Variants in ROR2 observed in about 807,000 individuals in gnomAD.
ROR2 encodes ROR family WNT receptor 2.
In ROR2, 33 loss-of-function variants were observed where a neutral mutation model predicts 74.9. That is an observed-to-expected ratio of 0.44 (90% CI 0.33 to 0.59). The LOEUF (loss-of-function observed/expected upper bound fraction) is 0.59. Among genes scored for constraint, ROR2 ranks in the 20% least tolerant of loss-of-function variants. The pLI, the probability that ROR2 is intolerant of heterozygous loss-of-function variation, is 0.02. For missense variants in ROR2, 1,216 were observed against 1,313.8 expected (o/e 0.93, Z 1.15); for synonymous variants, 586 against 558.7 (o/e 1.05, Z -0.69).
In ROR2 at chr9:91,726,515, G is replaced by A. The variant is rs200507603; in HGVS notation, c.1386+26C>T. On this transcript the variant is annotated intron_variant, in intron 8 of 8. Transcript: ENST00000375708. The stretch of plus-strand genomic sequence containing the variant: ...AGGATTAAACCTGGAAGAGCCACCC[G>A]GGTAGAAAATGTAAGGCATGGAGAC... 1,504 of 1,605,598 alleles carry A rather than the reference G, an allele frequency of 9.4e-4. 1 individual carries two copies. Among genetic ancestry groups the A allele is most frequent in the Non-Finnish European group, 1.2e-3 (1,372 of 1,175,526 alleles).
intron 3 of ROR2, among the ~76,000 whole-genome samples, chr9:91,756,950 TAA>T: frequency 1.3e-5 from 2 of 152,078 alleles, no homozygotes; most frequent in Admixed American, 6.5e-5. Flanking sequence ...GAGTTTCTAC[TAA>T]ACTGGCCAAC....
chr9:91,754,737 C>CT (rs1205184439), intron 4 of ROR2, among the ~76,000 whole-genome samples: 4 of 152,068 alleles, frequency 2.6e-5, no homozygotes, highest in Middle Eastern at 3.2e-3. Context: ...ACTTATATGC[C>CT]TTTTTCCAAA....
intron 1 of ROR2, among the ~76,000 whole-genome samples, chr9:91,924,852 T>C (rs2117891982): frequency 6.6e-6 from 1 of 152,238 alleles, no homozygotes; most frequent in African/African-American, 2.4e-5. Flanking sequence ...GTTTTGTTTG[T>C]GTGTTTGTTT....
intron 1 of ROR2, among the ~76,000 whole-genome samples, chr9:91,871,356 G>A (rs1357829639): frequency 3.3e-5 from 5 of 152,176 alleles, no homozygotes; most frequent in African/African-American, 9.7e-5. Context: ...GGATTGGCAT[G>A]ATATATCACA....
intron 2 of ROR2, among the ~76,000 whole-genome samples, chr9:91,765,712 G>A (rs758508535): frequency 3.9e-5 from 6 of 152,146 alleles, no homozygotes; most frequent in South Asian, 4.1e-4. Flanking sequence ...ACTGCAGCTC[G>A]CAGGTCTCCT....
At chr9:91,828,281 G>A (rs1828353869) in intron 1 of ROR2, among the ~76,000 whole-genome samples, 1 of 152,150 alleles carries the variant, frequency 6.6e-6, no homozygotes, top group Non-Finnish European at 1.5e-5. Flanking sequence ...TTTTGCTTTT[G>A]CAATGGAATG....
intron 1 of ROR2, among the ~76,000 whole-genome samples, chr9:91,826,872 G>T (rs1828309991): frequency 1.3e-5 from 2 of 152,160 alleles, no homozygotes; most frequent in African/African-American, 4.8e-5. Context: ...TTGAGAAGGG[G>T]AGACTCTGAA....
At chr9:91,936,805 C>T (rs1055223897) in intron 1 of ROR2, among the ~76,000 whole-genome samples, 2 of 151,572 alleles carry the variant, frequency 1.3e-5, no homozygotes, top group African/African-American at 2.4e-5. Context: ...CCGAGGCGGG[C>T]GGATCACGAG....
At chr9:91,798,240 G>A (rs1220725616) in intron 1 of ROR2, among the ~76,000 whole-genome samples, 1 of 120,042 alleles carries the variant, frequency 8.3e-6, no homozygotes, top group African/African-American at 3.3e-5. Flanking sequence ...GGGTGGGGCT[G>A]ACACCCTGCA....
At chr9:91,869,964 G>A (rs1006629987) in intron 1 of ROR2, among the ~76,000 whole-genome samples, 10 of 152,118 alleles carry the variant, frequency 6.6e-5, no homozygotes, top group Non-Finnish European at 1.0e-4. Context: ...CCTACAATCC[G>A]TGGGCCAAAG....
At chr9:91,904,752 C>G (rs930091039) in intron 1 of ROR2, among the ~76,000 whole-genome samples, 1 of 152,148 alleles carries the variant, frequency 6.6e-6, no homozygotes, top group Non-Finnish European at 1.5e-5. Context: ...GAGGCCTCCT[C>G]GACTCTGCCA....
In ROR2 at chr9:91,724,218, G is replaced by A. The variant is rs1180917030; in HGVS notation, c.2276C>T (p.Ala759Val). The change falls in exon 9 of 9, where the codon GCG (alanine) becomes GTG (valine). Residue 759 changes from alanine to valine, a missense_variant. Coordinates refer to ENST00000375708, the MANE Select transcript of ROR2 (RefSeq NM_004560.4). ...GGTGTTGCTGGCCCCCGAGGTCTGC[G>A]CCGAGCTGTTGTAGTTGGAAAGGTT... is the stretch of plus-strand genomic sequence containing the variant. ...WGNLSNYNSS[A>V]QTSGASNTTQ... is the part of the protein sequence containing the mutation. 3.1e-6 allele frequency: 5 copies of A among 1,613,354 alleles called. No individual in the cohort carries two copies. Among genetic ancestry groups the A allele is most frequent in the East Asian group, 2.2e-5 (1 of 44,870 alleles).
Position 91,837,965 on chromosome 9 carries a change from AT to A in ROR2, c.98-62148del, listed in dbSNP as rs144090084. Among the ~76,000 whole-genome samples the A allele has an allele frequency of 4.1e-3, 624 of 152,334 alleles. 4 individuals are homozygous for A. Among genetic ancestry groups the A allele is most frequent in the African/African-American group, 0.014 (599 of 41,578 alleles). ...TTTCATTGTCGAACTGCCACTTTAA[AT>A]ATGTATTTTAGGAAAAACAGAAATT... On this transcript the variant is annotated intron_variant, in intron 1 of 8. Coordinates refer to ENST00000375708, the MANE Select transcript of ROR2 (RefSeq NM_004560.4).
At chr9:91,776,899 C>A (rs1826439003) in intron 1 of ROR2, among the ~76,000 whole-genome samples, 1 of 152,038 alleles carries the variant, frequency 6.6e-6, no homozygotes, top group Admixed American at 6.5e-5. Flanking sequence ...ATACATACCC[C>A]AAAGAAAAAT....
intron 2 of ROR2, among the ~76,000 whole-genome samples, chr9:91,774,672 T>G (rs150699587): frequency 6.6e-6 from 1 of 152,212 alleles, no homozygotes; most frequent in Non-Finnish European, 1.5e-5. Context: ...ATCTCCCCAA[T>G]GGACTAAAAT....
Position 91,757,419 on chromosome 9 carries a change from G to T in ROR2, c.316C>A (p.Pro106Thr), listed in dbSNP as rs1384907380. 6.2e-7 allele frequency: 1 copy of T among 1,613,932 alleles called. No homozygotes were observed. Among genetic ancestry groups the T allele is most frequent in the Non-Finnish European group, 8.5e-7 (1 of 1,180,006 alleles). ...LKNDAPVVQE[P>T]RRIIIRKTEY... ...GTCTTCCGGATGATGATCCGCCGCG[G>T]CTCCTGCACCACCGGGGCATCATTC... Residue 106 changes from proline (P) to threonine (T), a missense_variant, in exon 3 of 9, where the codon CCG (proline) becomes ACG (threonine). By Grantham distance (38) the Pro-to-Thr change is conservative. Coordinates refer to ENST00000375708, the MANE Select transcript of ROR2 (RefSeq NM_004560.4).
chr9:91,906,606 G>A (rs1015573937), intron 1 of ROR2, among the ~76,000 whole-genome samples: 1 of 152,156 alleles, frequency 6.6e-6, no homozygotes, highest in Non-Finnish European at 1.5e-5. Context: ...AAATCCCCTC[G>A]GTTTTGTTCT....
At chr9:91,875,451 G>C (rs532474446) in intron 1 of ROR2, among the ~76,000 whole-genome samples, 17 of 152,270 alleles carry the variant, frequency 1.1e-4, no homozygotes, top group Non-Finnish European at 2.4e-4. Flanking sequence ...ATAGCAAAAG[G>C]TCTATTGCAG....
intron 1 of ROR2, among the ~76,000 whole-genome samples, chr9:91,948,006 A>G (rs1832058566): frequency 6.6e-6 from 1 of 152,202 alleles, no homozygotes; most frequent in African/African-American, 2.4e-5. Flanking sequence ...TCACTAGAAA[A>G]AGAACAGGGT....
Sources: allele counts gnomAD v4.1 joint callset (sites outside exome capture counted in the v4.1 genomes callset), GRCh38; gene constraint gnomAD v4.1.1; transcripts MANE v1.5; gene names NCBI Gene and HGNC (gene_info 2026-07-23, HGNC 2026-07-21).